COL22A1: variants seen among roughly 807,000 people sequenced by gnomAD.
COL22A1 encodes collagen type XXII alpha 1 chain, also known as collagen alpha-1(XXII) chain.
A neutral mutation model predicts 248.9 loss-of-function variants in COL22A1; 221 were observed. The observed-to-expected ratio is 0.89, with a 90% CI of 0.80 to 0.99. The LOEUF is 0.99. Among genes scored for constraint, COL22A1 ranks in the 50% least tolerant of loss-of-function variants. The pLI is 0.00. For synonymous variants in COL22A1, 891 were observed against 793.4 expected, an observed-to-expected ratio of 1.12 and a Z score of -2.07; for missense variants, 2,240 against 2,179.0, an observed-to-expected ratio of 1.03 and a Z score of -0.56.
intron 3 of COL22A1, among the ~76,000 whole-genome samples, chr8:138,875,298 T>C (rs754106338): frequency 6.6e-6 from 1 of 152,106 alleles, no homozygotes; most frequent in Non-Finnish European, 1.5e-5. Context: ...CCAGCCCTGG[T>C]GTCTATTAAC....
At chr8:138,698,595 A>G (rs532242262) in intron 32 of COL22A1, among the ~76,000 whole-genome samples, 38 of 152,074 alleles carry the variant, frequency 2.5e-4, no homozygotes, top group Non-Finnish European at 4.1e-4. Context: ...ACAGCCCTAC[A>G]GGTGAGGGAG....
At chr8:138,725,954 G>A (rs555959629) in intron 23 of COL22A1, among the ~76,000 whole-genome samples, 41 of 152,262 alleles carry the variant, frequency 2.7e-4, no homozygotes, top group African/African-American at 9.4e-4. Flanking sequence ...AGTGGGTCTC[G>A]CATCTGTACT....
chr8:138,742,577 ATGG>A (rs1295920762), intron 22 of COL22A1, among the ~76,000 whole-genome samples: 7 of 149,438 alleles, frequency 4.7e-5, no homozygotes, highest in Non-Finnish European at 8.9e-5. Flanking sequence ...AGTGATGATG[ATGG>A]TGGAGTTGAT....
chr8:138,598,923 C>T, intron 60 of COL22A1, 25 bp from the exon 61 acceptor site: 2 of 1,612,846 alleles, frequency 1.2e-6, no homozygotes, highest in Non-Finnish European at 1.7e-6. Context: ...AGCATGTCAG[C>T]ATGTGTCTCA....
chr8:138,742,502 G>C (rs889586819), intron 22 of COL22A1, among the ~76,000 whole-genome samples: 1 of 151,816 alleles, frequency 6.6e-6, no homozygotes, highest in African/African-American at 2.4e-5. Context: ...GGTGATGGTA[G>C]AGTTGATGAT....
chr8:138,779,959 G>A (rs911973499), intron 13 of COL22A1, among the ~76,000 whole-genome samples: 3 of 152,118 alleles, frequency 2.0e-5, no homozygotes, highest in Non-Finnish European at 2.9e-5. Context: ...ACAGAGTCTC[G>A]CTTTGTTGCC....
intron 30 of COL22A1, 133 bp from the exon 31 acceptor site, chr8:138,703,480 CCCTGCACCTA>C (rs1441106488): frequency 1.4e-6 from 1 of 698,558 alleles, no homozygotes; most frequent in Non-Finnish European, 2.5e-6. Context: ...GGTAGGTGCA[CCCTGCACCTA>C]CCTTGATAGA....
intron 3 of COL22A1, 63 bp downstream of exon 3, chr8:138,877,686 TC>T: frequency 6.8e-7 from 1 of 1,468,350 alleles, no homozygotes; most frequent in African/African-American, 1.4e-5. Flanking sequence ...CGAGGACCCC[TC>T]CCGTGGGCTC....
At chr8:138,783,313 G>C (rs187469354) in intron 12 of COL22A1, among the ~76,000 whole-genome samples, 1 of 151,934 alleles carries the variant, frequency 6.6e-6, no homozygotes, top group Non-Finnish European at 1.5e-5. Context: ...TTTTCAAAGG[G>C]GGAGTTTATT....
chr8:138,595,066 A>C (rs759800442), intron 62 of COL22A1, among the ~76,000 whole-genome samples: 5 of 152,064 alleles, frequency 3.3e-5, no homozygotes, highest in Non-Finnish European at 1.5e-5. Flanking sequence ...TCAGACCCAA[A>C]CTGCTATTTT....
chr8:138,890,273 G>A (rs1213154431), intron 1 of COL22A1, among the ~76,000 whole-genome samples: 1 of 152,200 alleles, frequency 6.6e-6, no homozygotes, highest in African/African-American at 2.4e-5. Flanking sequence ...CACAGCTAAC[G>A]TCATCCTCAA....
intron 30 of COL22A1, among the ~76,000 whole-genome samples, chr8:138,712,573 G>C (rs1829060488): frequency 6.6e-6 from 1 of 152,158 alleles, no homozygotes; most frequent in Non-Finnish European, 1.5e-5. Context: ...ATCAGCAGAG[G>C]GTAAGGGTTC....
chr8:138,884,536 A>G (rs1824496056), intron 1 of COL22A1, among the ~76,000 whole-genome samples: 1 of 152,226 alleles, frequency 6.6e-6, no homozygotes, highest in Non-Finnish European at 1.5e-5. Context: ...AGAGTCTAAT[A>G]AACAGAAAAA....
rs60845059 is a variant in COL22A1, at chr8:138,670,960, CAAAAA to C, written c.3150+5593_3150+5597del. 2.3e-3 allele frequency among the ~76,000 whole-genome samples: 125 copies of C among 55,390 alleles called. No homozygotes were observed. In the East Asian group the frequency reaches 0.031, roughly 14 times the overall value. 36.3% of individuals were successfully genotyped at this position (55,390 alleles called of 152,430 possible). A position where few individuals can be genotyped will look rare whatever the true frequency, so the allele number is the denominator to read the frequency against. ...TGGGGGACAGAGCGAGACCTTGTCT[CAAAAA>C]AAAAAAAAAAAAAAAAAAAAAGCCA... is the stretch of plus-strand genomic sequence containing the variant. On this transcript the variant is annotated intron_variant, in intron 41 of 64. Coordinates refer to ENST00000303045, the MANE Select transcript of COL22A1 (RefSeq NM_152888.3).
chr8:138,764,764 C>A (rs13277878), intron 16 of COL22A1, among the ~76,000 whole-genome samples: 1 of 152,056 alleles, frequency 6.6e-6, no homozygotes, highest in African/African-American at 2.4e-5. Flanking sequence ...TTCAAGACCA[C>A]CCTGGCCAAC....
At chr8:138,739,941 T>A (rs546795410) in intron 22 of COL22A1, among the ~76,000 whole-genome samples, 15 of 152,310 alleles carry the variant, frequency 9.8e-5, no homozygotes, top group South Asian at 2.1e-4. Context: ...GAATTCAAGA[T>A]GTGGTCACAG....
intron 45 of COL22A1, among the ~76,000 whole-genome samples, chr8:138,650,758 C>T (rs1479014011): frequency 1.3e-5 from 2 of 152,198 alleles, no homozygotes; most frequent in South Asian, 2.1e-4. Context: ...ATAGATAATG[C>T]CCACACATTT....
At chr8:138,659,142 T>C (rs554584983) in intron 44 of COL22A1, among the ~76,000 whole-genome samples, 2 of 152,318 alleles carry the variant, frequency 1.3e-5, no homozygotes, top group East Asian at 3.9e-4. Flanking sequence ...GTGAGGTTTA[T>C]TTGGCTGTTG....
At chr8:138,662,498 G>C (rs1441519218) in intron 42 of COL22A1, among the ~76,000 whole-genome samples, 2 of 152,142 alleles carry the variant, frequency 1.3e-5, no homozygotes, top group Non-Finnish European at 2.9e-5. Flanking sequence ...ACAACACTCA[G>C]CATATGCCTG....
Sources: allele counts gnomAD v4.1 joint callset (sites outside exome capture counted in the v4.1 genomes callset), GRCh38; gene constraint gnomAD v4.1.1; transcripts MANE v1.5; gene names NCBI Gene and HGNC (gene_info 2026-07-23, HGNC 2026-07-21).